Variants in UBE4B observed in about 807,000 individuals in gnomAD.
The protein encoded by UBE4B is ubiquitination factor E4B.
A neutral mutation model predicts 148.1 loss-of-function variants in UBE4B; 27 were observed. The ratio of observed to expected loss-of-function variants is 0.18; its 90% CI spans 0.13 to 0.25. The LOEUF (loss-of-function observed/expected upper bound fraction) is 0.25, where lower values mean the gene tolerates loss of function less well. Ranked by LOEUF, UBE4B falls within the 10% of genes least tolerant of loss-of-function variation. The pLI is 1.00. For missense variants in UBE4B, 1,170 were observed against 1,662.4 expected (o/e 0.70, Z 5.15); for synonymous variants, 596 against 619.3 (o/e 0.96, Z 0.56).
intron 1 of UBE4B, among the ~76,000 whole-genome samples, chr1:10,058,477 G>C (rs1644220603): frequency 6.6e-6 from 1 of 152,182 alleles, no homozygotes; most frequent in South Asian, 2.1e-4. Flanking sequence ...GTTAAAACTT[G>C]TGCTGGAGAA....
chr1:10,043,271 A>AGT (rs1486186144), intron 1 of UBE4B, among the ~76,000 whole-genome samples: 2 of 151,702 alleles, frequency 1.3e-5, no homozygotes, highest in Non-Finnish European at 2.9e-5. Flanking sequence ...AGCCTCCCAA[A>AGT]GTGCCGGGAT....
At position 10,101,104 on chromosome 1, in the gene UBE4B, T is replaced by G. The variant is rs1291416398; in HGVS notation, c.348-4T>G. ...AAAGGCTTGTTTGTCTTTTGTACTT[T>G]AAGCATGTCCCAGGTGGATGTGGAT... On this transcript the variant is annotated splice_region_variant and splice_polypyrimidine_tract_variant and intron_variant, in intron 3 of 27. Coordinates refer to ENST00000343090, the MANE Select transcript of UBE4B (RefSeq NM_001105562.3). The G allele has an allele frequency of 6.2e-7, 1 of 1,613,982 alleles. No individual in the cohort carries two copies. The highest frequency in any genetic ancestry group is 8.5e-7 in the Non-Finnish European group (1 of 1,179,848).
chr1:10,175,422 C>T (rs146745312), intron 25 of UBE4B, among the ~76,000 whole-genome samples: 30,754 of 151,024 alleles, frequency 0.2, 3,835 homozygotes, highest in African/African-American at 0.35. Flanking sequence ...GAGGCCAAGG[C>T]GGGCGGATCA....
intron 1 of UBE4B, among the ~76,000 whole-genome samples, chr1:10,053,136 G>T (rs914203619): frequency 1.3e-5 from 2 of 151,892 alleles, no homozygotes; most frequent in African/African-American, 4.8e-5. Flanking sequence ...ACCGTGCATG[G>T]CTTTTATTTA....
At chr1:10,100,960 T>C (rs1645001111) in intron 3 of UBE4B, 148 bp from the exon 4 acceptor site, 1 of 665,554 alleles carries the variant, frequency 1.5e-6, no homozygotes, top group Non-Finnish European at 2.5e-6. Context: ...TGAAGAACTC[T>C]TAAAAATTAA....
chr1:10,062,645 T>C (rs889036152), intron 1 of UBE4B, among the ~76,000 whole-genome samples: 2 of 152,146 alleles, frequency 1.3e-5, no homozygotes, highest in Admixed American at 6.5e-5. Context: ...ACTTTAAATC[T>C]TTCCTAGAAC....
intron 7 of UBE4B, among the ~76,000 whole-genome samples, chr1:10,108,230 C>T (rs568060308): frequency 8.3e-5 from 12 of 145,420 alleles, no homozygotes; most frequent in Admixed American, 2.1e-4. Flanking sequence ...CCCCATTGAG[C>T]TCAGTCTGGG....
intron 2 of UBE4B, among the ~76,000 whole-genome samples, chr1:10,084,015 G>T (rs919492501): frequency 6.6e-6 from 1 of 151,946 alleles, no homozygotes; most frequent in Non-Finnish European, 1.5e-5. Context: ...TTCCCTATCC[G>T]CAGCCCCCAC....
chr1:10,068,608 C>T (rs1185074353), intron 1 of UBE4B, among the ~76,000 whole-genome samples: 2 of 152,096 alleles, frequency 1.3e-5, no homozygotes, highest in Non-Finnish European at 2.9e-5. Context: ...GCCTTGGCCT[C>T]CCAAAGTGCT....
At position 10,122,185 on chromosome 1, in the gene UBE4B, A is replaced by G. The variant is rs1425328285; in HGVS notation, c.1554+109A>G. The G allele has an allele frequency of 4.6e-6, 3 of 649,776 alleles. No homozygotes were observed. In the African/African-American group the frequency reaches 5.4e-5, roughly 12 times the overall value. 40.3% of individuals were successfully genotyped at this position (649,776 alleles called of 1,614,324 possible). On this transcript the variant is annotated intron_variant, in intron 10 of 27. Transcript: ENST00000343090. ...GCCTGAATTCGAACATCCATGTGTTATTAGAGAGAAGGCCTACCCAATATT... is the reference window on the plus strand; with the variant it reads ...GCCTGAATTCGAACATCCATGTGTTGTTAGAGAGAAGGCCTACCCAATATT...
rs1646289825 is a variant in UBE4B, at chr1:10,168,524, A to G, written c.3333+254A>G. 6.6e-6 allele frequency among the ~76,000 whole-genome samples: 1 copy of G among 152,232 alleles called. No homozygotes were observed. The highest frequency in any genetic ancestry group is 2.4e-5 in the African/African-American group (1 of 41,450). On this transcript the variant is annotated intron_variant, in intron 24 of 27. Coordinates refer to ENST00000343090, the MANE Select transcript of UBE4B (RefSeq NM_001105562.3). The surrounding 1 kb of genome is among the most constrained non-coding windows in gnomAD (Gnocchi z 4.9). ...ATGCCTTACTGCACTTTGTGCTTAG[A>G]CAGTACATTGGATTATTCATGTTGA... is the stretch of plus-strand genomic sequence containing the variant.
chr1:10,074,059 C>T (rs1428813424), intron 2 of UBE4B, among the ~76,000 whole-genome samples: 3 of 150,802 alleles, frequency 2.0e-5, no homozygotes, highest in Non-Finnish European at 4.4e-5. Context: ...CTGCTTCAGT[C>T]TCTCATGTAG....
At chr1:10,149,576 T>C (rs1179430360) in intron 20 of UBE4B, among the ~76,000 whole-genome samples, 2 of 152,248 alleles carry the variant, frequency 1.3e-5, no homozygotes, top group East Asian at 1.9e-4. Flanking sequence ...GGAAACAGTT[T>C]ATAAATGTCT....
intron 3 of UBE4B, among the ~76,000 whole-genome samples, chr1:10,097,366 CA>C (rs1644945616): frequency 6.6e-6 from 1 of 152,028 alleles, no homozygotes; most frequent in South Asian, 2.1e-4. Flanking sequence ...AAAAAGACAA[CA>C]GGGGTCCAGG....
chr1:10,067,734 G>T (rs1644413612), intron 1 of UBE4B, among the ~76,000 whole-genome samples: 1 of 151,366 alleles, frequency 6.6e-6, no homozygotes, highest in African/African-American at 2.4e-5. Context: ...AGTATTTGTT[G>T]TTGTTGTTGT....
intron 1 of UBE4B, 130 bp downstream of exon 1, chr1:10,033,824 A>G (rs1031115606): frequency 1.0e-6 from 1 of 961,856 alleles, no homozygotes; most frequent in Non-Finnish European, 1.5e-6. Context: ...TTTTCCAAGA[A>G]TAACGTGACT....
intron 23 of UBE4B, among the ~76,000 whole-genome samples, chr1:10,165,255 T>G (rs150090746): frequency 6.6e-6 from 1 of 152,312 alleles, no homozygotes; most frequent in East Asian, 1.9e-4. Context: ...TTCTACCAGC[T>G]GCTCAGGCTC....
intron 21 of UBE4B, among the ~76,000 whole-genome samples, chr1:10,153,688 G>A (rs575903174): frequency 2.0e-5 from 3 of 151,920 alleles, no homozygotes; most frequent in South Asian, 2.1e-4. Context: ...GGTGGCTCAC[G>A]CCTGTAATCC....
At chr1:10,096,668 A>G (rs1644932960) in intron 3 of UBE4B, among the ~76,000 whole-genome samples, 1 of 151,980 alleles carries the variant, frequency 6.6e-6, no homozygotes, top group Admixed American at 6.6e-5. Flanking sequence ...GTTGCAGTGA[A>G]CCAAGATTGT....
Sources: gnomAD v4.1 joint callset for allele counts (sites outside exome capture counted in the v4.1 genomes callset) on GRCh38, gnomAD v4.1.1 for gene constraint, Gnocchi (gnomAD v3.1) non-coding constraint, MANE v1.5 for transcripts, NCBI Gene and HGNC (gene_info 2026-07-23, HGNC 2026-07-21) for gene names.